PANK2: variants seen among roughly 807,000 people sequenced by gnomAD.
PANK2 encodes the protein pantothenate kinase 2, also known as pantothenate kinase 2, mitochondrial.
Under a neutral mutation model 43.1 loss-of-function variants are expected in PANK2, and 36 were observed. That is an observed-to-expected ratio of 0.84 (90% CI 0.64 to 1.10). The LOEUF is 1.10. Ranked by LOEUF, PANK2 falls within the 50% of genes least tolerant of loss-of-function variation. The probability of loss-of-function intolerance (pLI) is 0.00; values close to 1 mark genes in which losing one functional copy is unlikely to be tolerated. For missense variants in PANK2, 576 were observed against 593.3 expected (o/e 0.97, Z 0.30); for synonymous variants, 281 against 238.2 (o/e 1.18, Z -1.66).
At chr20:3,919,046 A>G (rs1248940210) in intron 6 of PANK2, among the ~76,000 whole-genome samples, 1 of 152,142 alleles carries the variant, frequency 6.6e-6, no homozygotes, top group Non-Finnish European at 1.5e-5. Context: ...AGCTGGGATT[A>G]CAAGTGTGCG....
intron 3 of PANK2, 96 bp from the exon 4 acceptor site, chr20:3,912,362 G>T: frequency 7.5e-7 from 1 of 1,325,994 alleles, no homozygotes; most frequent in Non-Finnish European, 1.1e-6. Context: ...TGATTGGGTT[G>T]GATATGTGAA....
chr20:3,888,891 G>A (rs1026496593), upstream of PANK2: 18 of 524,664 alleles, frequency 3.4e-5, no homozygotes, highest in Middle Eastern at 9.9e-4. Flanking sequence ...CTAGGCCGAG[G>A]GACAAAGGCT....
Position 3,926,945 on chromosome 20 carries a change from A to AG in PANK2, c.*3651_*3652insG. 6.4e-6 allele frequency: 1 copy of AG among 156,856 alleles called. No individual in the cohort carries two copies. The highest frequency in any genetic ancestry group is 1.8e-4 in the East Asian group (1 of 5,428). The allele number at this position is 156,856 out of a possible 1,614,324, so 9.7% of individuals were successfully genotyped here. A position where few individuals can be genotyped will look rare whatever the true frequency, so the allele number is the denominator to read the frequency against. ...GGGTGACAGCAAGACTGTCTCAAAA[A>AG]AAAAAAAAAAAAAAAATCCGCTATT... is the stretch of plus-strand genomic sequence containing the variant. On this transcript the variant is annotated 3_prime_UTR_variant, in exon 7 of 7. Transcript: ENST00000610179.
Position 3,924,128 on chromosome 20 carries a change from G to T in PANK2, c.*834G>T, listed in dbSNP as rs1388634483. On this transcript the variant is annotated 3_prime_UTR_variant, in exon 7 of 7. Coordinates refer to ENST00000610179, the MANE Select transcript of PANK2 (RefSeq NM_001386393.1). The stretch of plus-strand genomic sequence containing the variant: ...GTCAAAGAACTCATGGGGAGTGGGG[G>T]GTCCTTCAGGGCACTGTGGCACTTG... 4 of 152,528 alleles carry T rather than the reference G, an allele frequency of 2.6e-5. No individual in the cohort carries two copies. The highest frequency in any genetic ancestry group is 9.6e-5 in the African/African-American group (4 of 41,454). The allele number at this position is 152,528 out of a possible 1,614,324, so 9.4% of individuals were successfully genotyped here.
At chr20:3,905,504 G>A (rs1422975074) in intron 1 of PANK2, among the ~76,000 whole-genome samples, 3 of 151,026 alleles carry the variant, frequency 2.0e-5, no homozygotes, top group Non-Finnish European at 4.4e-5. Flanking sequence ...CCGCCACCAC[G>A]CCCGGCTAAT....
At chr20:3,909,938 A>G (rs2146864516) in intron 2 of PANK2, among the ~76,000 whole-genome samples, 1 of 152,296 alleles carries the variant, frequency 6.6e-6, no homozygotes, top group East Asian at 1.9e-4. Context: ...TAATACGAAT[A>G]ATAATTTAGT....
intron 2 of PANK2, among the ~76,000 whole-genome samples, chr20:3,910,282 G>T (rs1332274937): frequency 6.7e-6 from 1 of 149,208 alleles, no homozygotes; most frequent in East Asian, 2.0e-4. Flanking sequence ...TTTGAAGGTT[G>T]ATAAATGCTG....
intron 2 of PANK2, 69 bp from the exon 3 acceptor site, chr20:3,910,508 C>T: frequency 6.4e-7 from 1 of 1,564,630 alleles, no homozygotes; most frequent in African/African-American, 1.4e-5. Context: ...GTGGGGATGC[C>T]TTATTGAATG....
chr20:3,925,321 C>A lies in PANK2; in HGVS notation c.*2027C>A, dbSNP rs1292222890. 1 of 152,492 alleles carries A rather than the reference C, an allele frequency of 6.6e-6. No homozygotes were observed. Among genetic ancestry groups the A allele is most frequent in the African/African-American group, 2.4e-5 (1 of 41,472 alleles). The allele number at this position is 152,492 out of a possible 1,614,324, so 9.4% of individuals were successfully genotyped here. A position where few individuals can be genotyped will look rare whatever the true frequency, so the allele number is the denominator to read the frequency against. On this transcript the variant is annotated 3_prime_UTR_variant, in exon 7 of 7. Transcript: ENST00000610179. ...CGATCTCAGCTCACTGCAACCTCTGCCTTCCAGGCTCAAGCAATTCTCCTG... is the reference window on the plus strand; with the variant it reads ...CGATCTCAGCTCACTGCAACCTCTGACTTCCAGGCTCAAGCAATTCTCCTG...
chr20:3,904,541 G>C (rs2090355123), intron 1 of PANK2, among the ~76,000 whole-genome samples: 1 of 152,136 alleles, frequency 6.6e-6, no homozygotes. Context: ...TTGCACTCCA[G>C]CCTGGGAAAC....
In PANK2 at chr20:3,923,649, T is replaced by G. The variant is rs936152111; in HGVS notation, c.*355T>G. The G allele has an allele frequency of 8.4e-6, 3 of 357,338 alleles. No individual in the cohort carries two copies. Among genetic ancestry groups the G allele is most frequent in the African/African-American group, 6.2e-5 (3 of 48,574 alleles). The allele number at this position is 357,338 out of a possible 1,614,324, so 22.1% of individuals were successfully genotyped here. On this transcript the variant is annotated 3_prime_UTR_variant, in exon 7 of 7. Coordinates refer to ENST00000610179, the MANE Select transcript of PANK2 (RefSeq NM_001386393.1). ...GACTGGTTTTGTGTCCTGTTTGAACTTGCTGAATGTAAGGCAGGCTACTAT... is the reference window on the plus strand; with the variant it reads ...GACTGGTTTTGTGTCCTGTTTGAACGTGCTGAATGTAAGGCAGGCTACTAT...
At position 3,923,676 on chromosome 20, in the gene PANK2, C is replaced by T. The variant is rs71647861; in HGVS notation, c.*382C>T. On this transcript the variant is annotated 3_prime_UTR_variant, in exon 7 of 7. Transcript: ENST00000610179. ...GCTGAATGTAAGGCAGGCTACTATG[C>T]GTTATAATCTAATCACAATTTGTCA... The T allele has an allele frequency of 8.3e-4, 239 of 286,656 alleles. No homozygotes were observed. The highest frequency in any genetic ancestry group is 4.5e-3 in the African/African-American group (212 of 46,620). The allele number at this position is 286,656 out of a possible 1,614,324, so 17.8% of individuals were successfully genotyped here.
In PANK2 at chr20:3,926,380, CAG is replaced by C. The variant is rs1488635619; in HGVS notation, c.*3087_*3088del. On this transcript the variant is annotated 3_prime_UTR_variant, in exon 7 of 7. Transcript: ENST00000610179. The stretch of plus-strand genomic sequence containing the variant: ...AGAGGCTGGCCAGGGGCCTGTGGCT[CAG>C]GGGACTGAGAAGAGGAGCTCTCTAG... 2.0e-5 allele frequency: 3 copies of C among 152,098 alleles called. No individual in the cohort carries two copies. Among genetic ancestry groups the C allele is most frequent in the South Asian group, 2.1e-4 (1 of 4,816 alleles). The allele number at this position is 152,098 out of a possible 1,614,324, so 9.4% of individuals were successfully genotyped here.
At chr20:3,889,099 G>T, upstream of PANK2, 1 of 1,541,162 alleles carries the variant, frequency 6.5e-7, no homozygotes. Context: ...AGGAGGGGGT[G>T]GATGAGGAGG....
intron 1 of PANK2, among the ~76,000 whole-genome samples, chr20:3,907,697 G>A (rs2090408792): frequency 6.6e-6 from 1 of 152,006 alleles, no homozygotes; most frequent in African/African-American, 2.4e-5. Context: ...CAGAATGGTT[G>A]GGTTGGCTCA....
Position 3,910,559 on chromosome 20 carries a change from A to C in PANK2, c.652-18A>C, listed in dbSNP as rs200451247. Reference sequence around the variant, plus strand: ...TTGGCTTATTAAAAAGTCTGAGTACATTCTTATTTCATTACAGATAGGTGA... The same window carrying C: ...TTGGCTTATTAAAAAGTCTGAGTACCTTCTTATTTCATTACAGATAGGTGA... On this transcript the variant is annotated intron_variant, in intron 2 of 6. Coordinates refer to ENST00000610179, the MANE Select transcript of PANK2 (RefSeq NM_001386393.1). The C allele has an allele frequency of 2.6e-4, 416 of 1,613,994 alleles. 2 individuals carry two copies. The African/African-American group carries it at 2.7e-3, about 11-fold the overall frequency.
At position 3,929,547 on chromosome 20, in the gene PANK2, C is replaced by G. The variant is rs1002048773; in HGVS notation, c.*6253C>G. ...GCCTTCAGTTGCTGCTGCTCAAACT[C>G]CTGCATCAAAGACACAAGAGCTTGC... On this transcript the variant is annotated 3_prime_UTR_variant, in exon 7 of 7. Coordinates refer to ENST00000610179, the MANE Select transcript of PANK2 (RefSeq NM_001386393.1). 2 of 152,388 alleles carry G rather than the reference C, an allele frequency of 1.3e-5. No individual in the cohort carries two copies. Among genetic ancestry groups the G allele is most frequent in the African/African-American group, 4.8e-5 (2 of 41,474 alleles). 9.4% of individuals were successfully genotyped at this position (152,388 alleles called of 1,614,324 possible).
At chr20:3,910,302 T>TTG (rs386393140) in intron 2 of PANK2, among the ~76,000 whole-genome samples, 21 of 150,624 alleles carry the variant, frequency 1.4e-4, no homozygotes, top group Admixed American at 1.3e-3. Flanking sequence ...GTGGTTTTTT[T>TTG]TTTTTGTTTT....
chr20:3,915,573 G>A (rs1012005089), intron 4 of PANK2, among the ~76,000 whole-genome samples: 1 of 152,214 alleles, frequency 6.6e-6, no homozygotes, highest in African/African-American at 2.4e-5. Flanking sequence ...TGGGATTACA[G>A]GCGTGAGCCA....
Sources: allele counts gnomAD v4.1 joint callset (sites outside exome capture counted in the v4.1 genomes callset), GRCh38; gene constraint gnomAD v4.1.1; transcripts MANE v1.5; gene names NCBI Gene and HGNC (gene_info 2026-07-23, HGNC 2026-07-21).